Variants in PFKP observed in about 807,000 individuals in gnomAD.
PFKP encodes ATP-dependent 6-phosphofructokinase, platelet type.
Under a neutral mutation model 94.3 loss-of-function variants are expected in PFKP, and 101 were observed. That is an observed-to-expected ratio of 1.07 (90% CI 0.91 to 1.26). PFKP has a LOEUF of 1.26. Among genes scored for constraint, PFKP ranks in the 50% most tolerant of loss-of-function variants. The probability of loss-of-function intolerance (pLI) is 0.00; values close to 1 mark genes in which losing one functional copy is unlikely to be tolerated. For missense variants in PFKP, 1,145 were observed against 1,103.3 expected, an observed-to-expected ratio of 1.04 and a Z score of -0.53; for synonymous variants, 573 against 432.6, an observed-to-expected ratio of 1.32 and a Z score of -4.03.
In PFKP at chr10:3,136,663, ACG is replaced by A; in HGVS notation, c.*85_*86del. On this transcript the variant is annotated 3_prime_UTR_variant, in exon 22 of 22. Transcript: ENST00000381125. ...AAGTTATTTTATCAGCACTTTATGC[ACG>A]TATTATTGACATTAATACCTAATCG... 6.8e-7 allele frequency: 1 copy of A among 1,464,502 alleles called. No individual in the cohort carries two copies. The highest frequency in any genetic ancestry group is 9.4e-7 in the Non-Finnish European group (1 of 1,065,620). The allele number at this position is 1,464,502 out of a possible 1,614,324, so 90.7% of individuals were successfully genotyped here.
At chr10:3,082,300 GAAAC>G (rs2131421631) in intron 1 of PFKP, 84 bp from the exon 2 acceptor site, 3 of 897,478 alleles carry the variant, frequency 3.3e-6, no homozygotes, top group East Asian at 2.6e-5. Flanking sequence ...GAGAGGTTAG[GAAAC>G]GGACCCATGG....
At chr10:3,132,037 C>G (rs917639199) in intron 17 of PFKP, among the ~76,000 whole-genome samples, 1 of 152,050 alleles carries the variant, frequency 6.6e-6, no homozygotes, top group Non-Finnish European at 1.5e-5. Flanking sequence ...CTGAGAGCAC[C>G]GAGAACATCG....
At chr10:3,103,218 C>T (rs1027892271) in intron 4 of PFKP, among the ~76,000 whole-genome samples, 2 of 152,218 alleles carry the variant, frequency 1.3e-5, no homozygotes, top group Non-Finnish European at 2.9e-5. Context: ...AAATGTGGAT[C>T]CTTTCTTTTA....
At chr10:3,090,554 GC>G (rs1418521698) in intron 2 of PFKP, among the ~76,000 whole-genome samples, 3 of 152,212 alleles carry the variant, frequency 2.0e-5, no homozygotes, top group African/African-American at 4.8e-5. Flanking sequence ...AAGAGGCTCA[GC>G]CCCCTCCCCG....
intron 16 of PFKP, among the ~76,000 whole-genome samples, chr10:3,122,098 C>T (rs775251082): frequency 2.6e-5 from 4 of 152,110 alleles, no homozygotes; most frequent in Non-Finnish European, 5.9e-5. Flanking sequence ...ACAGGGGTTA[C>T]AGGGATGAGC....
At chr10:3,067,885 C>T (rs1314168589) in intron 1 of PFKP, among the ~76,000 whole-genome samples, 178 bp downstream of exon 1, 1 of 151,580 alleles carries the variant, frequency 6.6e-6, no homozygotes, top group Non-Finnish European at 1.5e-5. Context: ...TGGGGAGAAC[C>T]GGGAAGAAGC....
rs1835012046 is a variant in PFKP, at chr10:3,101,696, C to T, written c.454+142C>T. 23 of 584,320 alleles carry T rather than the reference C, an allele frequency of 3.9e-5. No individual in the cohort carries two copies. In the South Asian group the frequency reaches 4.8e-4, roughly 12 times the overall value. 36.2% of individuals were successfully genotyped at this position (584,320 alleles called of 1,614,324 possible). On this transcript the variant is annotated intron_variant, in intron 4 of 21. Transcript: ENST00000381125. Reference sequence around the variant, plus strand: ...TCACCATCTCAGGACTTTTTAGGATCTCAAAAAACAACAGCAATGATCGTA... The same window carrying T: ...TCACCATCTCAGGACTTTTTAGGATTTCAAAAAACAACAGCAATGATCGTA...
At position 3,116,792 on chromosome 10, in the gene PFKP, G is replaced by T; in HGVS notation, c.1388G>T (p.Trp463Leu). 2 of 1,613,674 alleles carry T rather than the reference G, an allele frequency of 1.2e-6. No homozygotes were observed. Among genetic ancestry groups the T allele is most frequent in the Non-Finnish European group, 1.7e-6 (2 of 1,179,542 alleles). ...FAKGQIKEIG[W>L]TDVGGWTGQG... ...GCACATTAGATCAAAGAAATCGGCT[G>T]GACAGATGTCGGGGGCTGGACCGGC... Residue 463 changes from tryptophan to leucine, a missense_variant, in exon 14 of 22, where the codon TGG (tryptophan) becomes TTG (leucine). Physicochemically the swap from Trp to Leu is moderately conservative, Grantham distance 61. This residue lies in a region of PFKP where 1,119 missense variants were observed against 1,062.8 expected (regional missense o/e 1.05). Coordinates refer to ENST00000381125, the MANE Select transcript of PFKP (RefSeq NM_002627.5).
chr10:3,101,249 T>C, intron 3 of PFKP, 116 bp from the exon 4 acceptor site: 1 of 906,346 alleles, frequency 1.1e-6, no homozygotes, highest in Non-Finnish European at 1.7e-6. Flanking sequence ...ACTCACAAGA[T>C]GAAAATGAGA....
chr10:3,117,662 CTG>C (rs1276641798), intron 14 of PFKP, among the ~76,000 whole-genome samples: 6 of 152,098 alleles, frequency 3.9e-5, no homozygotes, highest in Admixed American at 6.6e-5. Context: ...CTCATGAGCT[CTG>C]TGTGTGGGTG....
Position 3,105,432 on chromosome 10 carries a change from C to CT in PFKP, c.706dup (p.Trp236LeufsTer38). ...TGAGTGCCTTGGCCTGCGGTGCGGA[C>CT]TGGGTGTTCCTTCCAGAATCTCCAC... On this transcript the variant is annotated frameshift_variant, in exon 7 of 22. Coordinates refer to ENST00000381125, the MANE Select transcript of PFKP (RefSeq NM_002627.5). LOFTEE classifies it high-confidence loss of function. The CT allele has an allele frequency of 6.2e-7, 1 of 1,613,998 alleles. No homozygotes were observed. The highest frequency in any genetic ancestry group is 8.5e-7 in the Non-Finnish European group (1 of 1,179,972).
chr10:3,113,298 C>T (rs1836445323), intron 12 of PFKP, 74 bp from the exon 13 acceptor site: 10 of 1,577,268 alleles, frequency 6.3e-6, no homozygotes, highest in African/African-American at 4.0e-5. Flanking sequence ...CGGCATGAGC[C>T]ACTGCCAAAG....
chr10:3,119,574 C>G (rs1837188905), intron 15 of PFKP, among the ~76,000 whole-genome samples: 2 of 151,188 alleles, frequency 1.3e-5, no homozygotes, highest in South Asian at 4.2e-4. Flanking sequence ...CACCTCACTC[C>G]AGCCTGGGCC....
At chr10:3,068,347 G>C (rs889130109) in intron 1 of PFKP, among the ~76,000 whole-genome samples, 1 of 152,182 alleles carries the variant, frequency 6.6e-6, no homozygotes, top group Non-Finnish European at 1.5e-5. Flanking sequence ...TCTCCAGGGC[G>C]GTCCGGCAGC....
chr10:3,111,965 C>G (rs930553240), intron 10 of PFKP, among the ~76,000 whole-genome samples: 8 of 152,322 alleles, frequency 5.3e-5, no homozygotes, highest in Non-Finnish European at 7.4e-5. Flanking sequence ...GACACCTTCT[C>G]TTTTTCCTCA....
At chr10:3,106,312 TGTGTCCTTCCCC>T (rs1422550189) in intron 7 of PFKP, among the ~76,000 whole-genome samples, 1,997 of 9,674 alleles carry the variant, frequency 0.21, 86 homozygotes, top group Admixed American at 0.25. Context: ...CGTCCACCTG[TGTGTCCTTCCCC>T]ATGGGAGGCA....
chr10:3,074,962 C>T (rs757297476), intron 1 of PFKP, among the ~76,000 whole-genome samples: 3 of 152,132 alleles, frequency 2.0e-5, no homozygotes, highest in East Asian at 1.9e-4. Context: ...GATTTACCCA[C>T]GTGTTTATTA....
intron 20 of PFKP, among the ~76,000 whole-genome samples, chr10:3,135,410 CTCAG>C (rs1269401456): frequency 2.4e-5 from 3 of 124,722 alleles, no homozygotes; most frequent in African/African-American, 6.1e-5. Flanking sequence ...CTTTTTGCCT[CTCAG>C]TGTGTGTATG....
intron 16 of PFKP, among the ~76,000 whole-genome samples, chr10:3,128,664 C>T (rs1479391312): frequency 6.6e-6 from 1 of 152,260 alleles, no homozygotes; most frequent in East Asian, 1.9e-4. Context: ...GGGTGTGCAG[C>T]ATCCCGCTCC....
Sources: allele counts gnomAD v4.1 joint callset (sites outside exome capture counted in the v4.1 genomes callset), GRCh38; gene constraint gnomAD v4.1.1; regional missense constraint gnomAD v4.1.1; transcripts MANE v1.5; gene names NCBI Gene and HGNC (gene_info 2026-07-23, HGNC 2026-07-21).